Variants in ADCY9 observed in about 807,000 individuals in gnomAD.
The protein encoded by ADCY9 is adenylate cyclase type 9.
Under a neutral mutation model 101.5 loss-of-function variants are expected in ADCY9, and 50 were observed. The observed-to-expected ratio is 0.49, with a 90% CI of 0.39 to 0.62. The LOEUF is 0.62. Among genes scored for constraint, ADCY9 ranks in the 20% least tolerant of loss-of-function variants. The pLI is 0.00. For synonymous variants in ADCY9, 905 were observed against 769.3 expected (o/e 1.18, Z -2.92); for missense variants, 1,662 against 1,800.4 (o/e 0.92, Z 1.39).
At chr16:4,089,995 C>G (rs938517579) in intron 2 of ADCY9, among the ~76,000 whole-genome samples, 18 of 152,084 alleles carry the variant, frequency 1.2e-4, no homozygotes, top group African/African-American at 3.9e-4. Context: ...TGCTGGGACT[C>G]CGTGGGCCCG....
In ADCY9 at chr16:3,979,120, A is replaced by C; in HGVS notation, c.2675T>G (p.Ile892Arg). 6.2e-7 allele frequency: 1 copy of C among 1,614,188 alleles called. No individual in the cohort carries two copies. Among genetic ancestry groups the C allele is most frequent in the Non-Finnish European group, 8.5e-7 (1 of 1,180,020 alleles). The change falls in exon 8 of 11, where the codon ATA becomes AGA. Residue 892 changes from isoleucine to arginine, a missense_variant. This residue lies in a region of ADCY9 where 624 missense variants were observed against 639.1 expected (regional missense o/e 0.98). Coordinates refer to ENST00000294016, the MANE Select transcript of ADCY9 (RefSeq NM_001116.4). ...SHVTSEYETN[I>R]HFPVFTGSAA... The stretch of plus-strand genomic sequence containing the variant: ...AACGGCTGAGCCTTTACTTACGTGT[A>C]TGTTGGTCTCATATTCGGAGGTGAC...
chr16:4,087,817 TTCTC>T (rs528927276), intron 2 of ADCY9, among the ~76,000 whole-genome samples: 1 of 149,596 alleles, frequency 6.7e-6, no homozygotes, highest in Non-Finnish European at 1.5e-5. Context: ...TTTTCTTTCT[TTCTC>T]TCTCTCTCTT....
intron 3 of ADCY9, among the ~76,000 whole-genome samples, chr16:4,003,291 C>G (rs1197345150): frequency 6.6e-6 from 1 of 152,194 alleles, no homozygotes; most frequent in Admixed American, 6.5e-5. Context: ...GGACCTTCCC[C>G]AGAGAGTCAG....
At chr16:3,977,292 T>C (rs947411197) in intron 9 of ADCY9, among the ~76,000 whole-genome samples, 190 bp downstream of exon 9, 3 of 152,270 alleles carry the variant, frequency 2.0e-5, no homozygotes, top group African/African-American at 4.8e-5. Flanking sequence ...TTTTTCTTTC[T>C]TTTGCATATT....
chr16:4,033,660 C>A (rs1487185688), intron 2 of ADCY9, among the ~76,000 whole-genome samples: 2 of 152,062 alleles, frequency 1.3e-5, no homozygotes, highest in Non-Finnish European at 1.5e-5. Context: ...TGTGATCCAC[C>A]CGCCTCGGCC....
At chr16:3,956,503 T>TTTTTTTGG (rs55792938) in intron 5 of ADCY9, among the ~76,000 whole-genome samples, 1 of 69,496 alleles carries the variant, frequency 1.4e-5, no homozygotes, top group African/African-American at 4.0e-5. Context: ...TTTTTTTTTT[T>TTTTTTTGG]GGGGGGGGAT....
chr16:4,072,058 C>T (rs769041742), intron 2 of ADCY9, among the ~76,000 whole-genome samples: 142 of 152,264 alleles, frequency 9.3e-4, no homozygotes, highest in Non-Finnish European at 1.6e-3. Context: ...AGAACCAAAG[C>T]CACTGCATTC....
rs55706713 is a variant in ADCY9, at chr16:4,087,543, TAAA to T, written c.1693+26204_1693+26206del. On this transcript the variant is annotated intron_variant, in intron 2 of 10. Coordinates refer to ENST00000294016, the MANE Select transcript of ADCY9 (RefSeq NM_001116.4). ...AGAGCGAGATTCCATCTCAAAAAGA[TAAA>T]AAAAAAAAAAAAAAAAAGAAGAACA... is the stretch of plus-strand genomic sequence containing the variant. Among the ~76,000 whole-genome samples, 740 of 118,150 alleles carry T rather than the reference TAAA, an allele frequency of 6.3e-3. 7 individuals carry two copies. Among genetic ancestry groups the T allele is most frequent in the African/African-American group, 0.021 (658 of 30,888 alleles). The allele number at this position is 118,150 out of a possible 152,430, so 77.5% of individuals were successfully genotyped here.
At chr16:4,022,889 C>T (rs1256060800) in intron 2 of ADCY9, among the ~76,000 whole-genome samples, 1 of 152,172 alleles carries the variant, frequency 6.6e-6, no homozygotes, top group Non-Finnish European at 1.5e-5. Flanking sequence ...CTCCTGAAAT[C>T]CGTTAAGAAT....
At chr16:4,034,729 T>C (rs1014252464) in intron 2 of ADCY9, among the ~76,000 whole-genome samples, 2 of 152,172 alleles carry the variant, frequency 1.3e-5, no homozygotes, top group Admixed American at 1.3e-4. Context: ...CAAAGTCCTT[T>C]TACATTCTAT....
At chr16:3,957,470 C>A (rs970784723) in intron 5 of ADCY9, among the ~76,000 whole-genome samples, 40 of 151,888 alleles carry the variant, frequency 2.6e-4, no homozygotes, top group African/African-American at 9.2e-4. Context: ...TATCTACAGT[C>A]CTAGAGTCAG....
At position 3,963,939 on chromosome 16, in the gene ADCY9, G is replaced by T. The variant is rs1269744798; in HGVS notation, c.*1836C>A. 6.6e-6 allele frequency: 1 copy of T among 152,654 alleles called. No homozygotes were observed. Among genetic ancestry groups the T allele is most frequent in the Non-Finnish European group, 1.5e-5 (1 of 68,044 alleles). 9.5% of individuals were successfully genotyped at this position (152,654 alleles called of 1,614,324 possible). On this transcript the variant is annotated 3_prime_UTR_variant, in exon 11 of 11. Transcript: ENST00000294016. ...TTCGGTATTGGAAGACCAGCAAACT[G>T]ACAGTCACACCTGACAGGAAACCTT...
intron 2 of ADCY9, among the ~76,000 whole-genome samples, chr16:4,080,543 C>G (rs2141178557): frequency 6.6e-6 from 1 of 152,166 alleles, no homozygotes; most frequent in African/African-American, 2.4e-5. Flanking sequence ...TCAGGCATGA[C>G]CCACCGTTCC....
chr16:4,010,235 G>A (rs768335578), intron 2 of ADCY9, among the ~76,000 whole-genome samples: 3 of 152,286 alleles, frequency 2.0e-5, no homozygotes, highest in South Asian at 2.1e-4. Context: ...AGGTGACTGC[G>A]CACCTGCTCC....
intron 2 of ADCY9, among the ~76,000 whole-genome samples, chr16:4,022,169 C>T (rs1187290445): frequency 6.6e-6 from 1 of 152,068 alleles, no homozygotes; most frequent in Admixed American, 6.6e-5. Flanking sequence ...TTCTCCCTGC[C>T]CAGAGAGAAA....
intron 10 of ADCY9, among the ~76,000 whole-genome samples, chr16:3,970,199 A>G (rs925709491): frequency 1.3e-5 from 2 of 151,422 alleles, no homozygotes; most frequent in East Asian, 4.0e-4. Flanking sequence ...TGGAAAGCTC[A>G]ATTCTTTTTC....
intron 6 of ADCY9, among the ~76,000 whole-genome samples, chr16:3,987,630 A>G (rs898413328): frequency 4.6e-5 from 7 of 152,320 alleles, no homozygotes; most frequent in African/African-American, 1.7e-4. Flanking sequence ...TGGGACATTA[A>G]CGGATATTCA....
intron 2 of ADCY9, among the ~76,000 whole-genome samples, chr16:4,105,111 C>T (rs1490925232): frequency 6.6e-6 from 1 of 151,802 alleles, no homozygotes; most frequent in Non-Finnish European, 1.5e-5. Flanking sequence ...TTAATCCAGA[C>T]ATTAAAGAGA....
At chr16:4,004,466 G>C (rs1334682127) in intron 3 of ADCY9, among the ~76,000 whole-genome samples, 2 of 152,158 alleles carry the variant, frequency 1.3e-5, no homozygotes, top group African/African-American at 4.8e-5. Context: ...GCTAAGGGCA[G>C]GAAATAAACC....
Sources: gnomAD v4.1 joint callset for allele counts (sites outside exome capture counted in the v4.1 genomes callset) on GRCh38, gnomAD v4.1.1 for gene constraint, gnomAD v4.1.1 regional missense constraint, MANE v1.5 for transcripts, NCBI Gene and HGNC (gene_info 2026-07-23, HGNC 2026-07-21) for gene names.